UMAD1: variants seen among roughly 807,000 people sequenced by gnomAD.
UMAD1 encodes the protein UBAP1-MVB12-associated (UMA)-domain containing protein 1.
In UMAD1, 8 loss-of-function variants were observed where a neutral mutation model predicts 6.1. The ratio of observed to expected loss-of-function variants is 1.30; its 90% CI spans 0.76 to 2.35. UMAD1 has a LOEUF of 2.35. UMAD1 is among the 30% of genes most tolerant of loss of function. The pLI is 0.00. For synonymous variants in UMAD1, 56 were observed against 31.4 expected, an observed-to-expected ratio of 1.78 and a Z score of -2.61; for missense variants, 130 against 78.4, an observed-to-expected ratio of 1.66 and a Z score of -2.49.
intron 3 of UMAD1, among the ~76,000 whole-genome samples, chr7:7,817,996 T>C (rs1783165829): frequency 6.6e-6 from 1 of 152,278 alleles, no homozygotes; most frequent in Middle Eastern, 3.4e-3. Flanking sequence ...TTTTTAAACT[T>C]TCAGGTTCAG....
At position 7,670,315 on chromosome 7, in the gene UMAD1, CAT is replaced by C. The variant is rs1205322136; in HGVS notation, c.-63-2991_-63-2990del. ...GTCCTTCTGTTAAAAGACTGTTATT[CAT>C]ATGTTAGAAGAGGAGCCACTTCGTA... On this transcript the variant is annotated intron_variant, in intron 1 of 3. Coordinates refer to ENST00000682710, the MANE Select transcript of UMAD1 (RefSeq NM_001302348.2). Among the ~76,000 whole-genome samples, 12 of 152,228 alleles carry C rather than the reference CAT, an allele frequency of 7.9e-5. No individual in the cohort carries two copies. In the East Asian group the frequency reaches 2.3e-3, roughly 29 times the overall value.
intron 1 of UMAD1, among the ~76,000 whole-genome samples, chr7:7,662,593 C>G (rs571402967): frequency 1.5e-4 from 23 of 152,280 alleles, no homozygotes; most frequent in African/African-American, 5.3e-4. Context: ...CTTATGCCTC[C>G]TGGGTGAGGC....
intron 2 of UMAD1, among the ~76,000 whole-genome samples, chr7:7,709,687 C>T (rs1226353838): frequency 6.6e-6 from 1 of 152,144 alleles, no homozygotes; most frequent in Non-Finnish European, 1.5e-5. Flanking sequence ...GTTTTTTTAC[C>T]TGCTGAGGGT....
intron 3 of UMAD1, among the ~76,000 whole-genome samples, chr7:7,865,454 A>G (rs1340413528): frequency 6.6e-6 from 1 of 152,096 alleles, no homozygotes; most frequent in Non-Finnish European, 1.5e-5. Context: ...AACTCAGCCT[A>G]CCTCCTTGGG....
chr7:7,871,005 C>T (rs1784321794), intron 3 of UMAD1, among the ~76,000 whole-genome samples: 1 of 152,136 alleles, frequency 6.6e-6, no homozygotes, highest in East Asian at 1.9e-4. Context: ...ATAGTGCATT[C>T]CCACTTACCT....
chr7:7,672,710 G>A (rs543788618), intron 1 of UMAD1, among the ~76,000 whole-genome samples: 30 of 152,074 alleles, frequency 2.0e-4, no homozygotes, highest in Non-Finnish European at 4.3e-4. Context: ...AGTTTCCTGA[G>A]GCCTCCCCAG....
chr7:7,690,256 G>A (rs78745038), intron 2 of UMAD1, among the ~76,000 whole-genome samples: 2,617 of 152,114 alleles, frequency 0.017, 78 homozygotes, highest in African/African-American at 0.06. Flanking sequence ...TTTCCAAAAC[G>A]CTGAAGGCAA....
chr7:7,756,046 CG>C (rs1026614959), intron 2 of UMAD1, among the ~76,000 whole-genome samples: 2 of 152,022 alleles, frequency 1.3e-5, no homozygotes, highest in Non-Finnish European at 2.9e-5. Flanking sequence ...GCCCTGGGAG[CG>C]GGGGACTCAA....
chr7:7,838,951 A>G (rs1248778935), intron 3 of UMAD1, among the ~76,000 whole-genome samples: 2 of 152,206 alleles, frequency 1.3e-5, no homozygotes, highest in African/African-American at 4.8e-5. Context: ...TATAAAGAAG[A>G]GCAAAACAAG....
chr7:7,873,672 T>A (rs1784367081), intron 3 of UMAD1, among the ~76,000 whole-genome samples: 1 of 152,202 alleles, frequency 6.6e-6, no homozygotes, highest in African/African-American at 2.4e-5. Context: ...CTAAAAAATA[T>A]TTCTTGATGG....
chr7:7,668,845 T>G (rs1432372073), intron 1 of UMAD1, among the ~76,000 whole-genome samples: 3 of 152,216 alleles, frequency 2.0e-5, no homozygotes, highest in African/African-American at 7.2e-5. Flanking sequence ...TCTGGCAGCT[T>G]AAGCCCTCAA....
intron 2 of UMAD1, among the ~76,000 whole-genome samples, chr7:7,727,997 G>A (rs1330822676): frequency 6.6e-6 from 1 of 150,836 alleles, no homozygotes; most frequent in Non-Finnish European, 1.5e-5. Flanking sequence ...CATTAGTTTT[G>A]TCCCTCTAGA....
chr7:7,684,748 C>G (rs528638700), intron 2 of UMAD1, among the ~76,000 whole-genome samples: 1 of 152,178 alleles, frequency 6.6e-6, no homozygotes, highest in Non-Finnish European at 1.5e-5. Flanking sequence ...AATTATTTGA[C>G]AGATTAACAC....
chr7:7,839,405 G>A (rs566351285), intron 3 of UMAD1, among the ~76,000 whole-genome samples: 4 of 152,076 alleles, frequency 2.6e-5, no homozygotes, highest in Non-Finnish European at 5.9e-5. Context: ...TGTACACATA[G>A]GGTCCCCCTA....
At chr7:7,817,407 C>T (rs1396585347) in intron 3 of UMAD1, among the ~76,000 whole-genome samples, 1 of 152,192 alleles carries the variant, frequency 6.6e-6, no homozygotes, top group Non-Finnish European at 1.5e-5. Context: ...AACTTGTTAT[C>T]TAAGTATTAC....
intron 2 of UMAD1, among the ~76,000 whole-genome samples, chr7:7,707,871 C>T (rs2115164978): frequency 6.6e-6 from 1 of 152,274 alleles, no homozygotes; most frequent in African/African-American, 2.4e-5. Context: ...GCTATGTGAG[C>T]TGTAAAACCC....
At chr7:7,764,407 G>C (rs1317555226) in intron 2 of UMAD1, among the ~76,000 whole-genome samples, 1 of 152,178 alleles carries the variant, frequency 6.6e-6, no homozygotes, top group East Asian at 1.9e-4. Flanking sequence ...CTTTGCTTCG[G>C]TTAAGTAGTA....
chr7:7,813,771 A>G (rs953983330), intron 3 of UMAD1, among the ~76,000 whole-genome samples: 2 of 152,180 alleles, frequency 1.3e-5, no homozygotes, highest in African/African-American at 2.4e-5. Context: ...AAACCAACCC[A>G]TCGGAGAGCT....
chr7:7,812,200 C>G (rs905110205), intron 3 of UMAD1, among the ~76,000 whole-genome samples: 6 of 152,166 alleles, frequency 3.9e-5, no homozygotes, highest in Non-Finnish European at 8.8e-5. Flanking sequence ...GAGTCCAAAC[C>G]ATGTGAGGTG....
Sources: gnomAD v4.1 joint callset for allele counts (sites outside exome capture counted in the v4.1 genomes callset) on GRCh38, gnomAD v4.1.1 for gene constraint, MANE v1.5 for transcripts, NCBI Gene and HGNC (gene_info 2026-07-23, HGNC 2026-07-21) for gene names.